Variants in SGCD observed in about 807,000 individuals in gnomAD.
SGCD encodes sarcoglycan delta.
In SGCD, 18 loss-of-function variants were observed where a neutral mutation model predicts 36.6. The observed-to-expected ratio is 0.49, with a 90% CI of 0.34 to 0.73. The LOEUF is 0.73. SGCD is among the 30% of genes least tolerant of loss of function. SGCD has a pLI of 0.01. For missense variants in SGCD, 387 were observed against 346.7 expected, an observed-to-expected ratio of 1.12 and a Z score of -0.92; for synonymous variants, 133 against 130.6, an observed-to-expected ratio of 1.02 and a Z score of -0.12.
At chr5:155,914,639 TA>T (rs1232850244) in intron 1 of SGCD, among the ~76,000 whole-genome samples, 1 of 152,182 alleles carries the variant, frequency 6.6e-6, no homozygotes, top group Non-Finnish European at 1.5e-5. Flanking sequence ...AACAATTTTT[TA>T]AAAACACCTC....
At chr5:156,117,269 C>T (rs1761927291) in intron 1 of SGCD, among the ~76,000 whole-genome samples, 1 of 151,918 alleles carries the variant, frequency 6.6e-6, no homozygotes, top group Non-Finnish European at 1.5e-5. Context: ...CCTCCTAAAA[C>T]CCTTGTAAAA....
At chr5:156,530,934 T>G (rs943706236) in intron 4 of SGCD, among the ~76,000 whole-genome samples, 1 of 152,206 alleles carries the variant, frequency 6.6e-6, no homozygotes, top group African/African-American at 2.4e-5. Context: ...AAAGAGTTTC[T>G]TTCTTCCTCA....
chr5:156,394,435 A>G (rs1771747857), intron 3 of SGCD, among the ~76,000 whole-genome samples: 1 of 152,140 alleles, frequency 6.6e-6, no homozygotes, highest in South Asian at 2.1e-4. Context: ...TGGAGAAGAG[A>G]CAATACGAGA....
intron 6 of SGCD, among the ~76,000 whole-genome samples, chr5:156,643,323 C>T (rs1331104100): frequency 1.3e-5 from 2 of 152,060 alleles, no homozygotes; most frequent in African/African-American, 2.4e-5. Flanking sequence ...TGAGCCACCT[C>T]GCCCAGCCAA....
At chr5:155,793,959 A>G in the SGCD span, among the ~76,000 whole-genome samples, 4 of 152,004 alleles carry the variant, frequency 2.6e-5, no homozygotes, top group East Asian at 5.8e-4. Context: ...AAATGAAAAA[A>G]AAAAAAAAAA....
chr5:155,976,637 GTTGTTTGGAATTTGTTCCCT>G (rs982955489), intron 1 of SGCD, among the ~76,000 whole-genome samples: 2 of 152,138 alleles, frequency 1.3e-5, no homozygotes, highest in African/African-American at 2.4e-5. Context: ...GAGAGCGTGT[GTTGTTTGGAATTTGTTCCCT>G]TTGTTCACTT....
the SGCD span, among the ~76,000 whole-genome samples, chr5:155,841,264 C>G: frequency 6.6e-6 from 1 of 152,072 alleles, no homozygotes; most frequent in Non-Finnish European, 1.5e-5. Context: ...CAGGGGAAAC[C>G]ATTTTTATGG....
At chr5:156,711,107 G>A (rs535523764) in intron 7 of SGCD, among the ~76,000 whole-genome samples, 44 of 152,176 alleles carry the variant, frequency 2.9e-4, no homozygotes, top group Middle Eastern at 6.8e-3. Flanking sequence ...AATTACCAAG[G>A]GAGAAGCATA....
intron 3 of SGCD, among the ~76,000 whole-genome samples, chr5:156,200,546 A>T (rs1177225946): frequency 6.6e-6 from 1 of 152,160 alleles, no homozygotes; most frequent in African/African-American, 2.4e-5. Flanking sequence ...AAAATGTAAA[A>T]CTATAAACCT....
Position 156,767,709 on chromosome 5 carries a change from T to TA in SGCD, c.*8325dup, listed in dbSNP as rs997296466. The TA allele has an allele frequency of 6.6e-6, 1 of 152,174 alleles. No homozygotes were observed. Among genetic ancestry groups the TA allele is most frequent in the Non-Finnish European group, 1.5e-5 (1 of 68,012 alleles). 9.4% of individuals were successfully genotyped at this position (152,174 alleles called of 1,614,324 possible). A position where few individuals can be genotyped will look rare whatever the true frequency, so the allele number is the denominator to read the frequency against. On this transcript the variant is annotated 3_prime_UTR_variant, in exon 9 of 9. Coordinates refer to ENST00000337851, the MANE Select transcript of SGCD (RefSeq NM_000337.6). ...TTTTAACTTTATTACACTTTCTGTA[T>TA]AAAAAATTTGTATTTAATATTATTT...
At chr5:156,505,949 A>G (rs1756675958) in intron 3 of SGCD, among the ~76,000 whole-genome samples, 1 of 152,222 alleles carries the variant, frequency 6.6e-6, no homozygotes, top group Admixed American at 6.5e-5. Context: ...AAAAACAGTC[A>G]TGAAAAAATG....
chr5:156,573,136 G>T (rs1158278603), intron 4 of SGCD, among the ~76,000 whole-genome samples: 2 of 151,814 alleles, frequency 1.3e-5, no homozygotes, highest in African/African-American at 2.4e-5. Context: ...AACAATACAT[G>T]GTCATTTCTT....
chr5:156,454,677 A>G (rs1754174556), intron 3 of SGCD, among the ~76,000 whole-genome samples: 1 of 152,156 alleles, frequency 6.6e-6, no homozygotes, highest in Non-Finnish European at 1.5e-5. Flanking sequence ...GCATGGTTCT[A>G]CAGAGAGAGC....
chr5:156,574,618 C>T (rs1267025936), intron 4 of SGCD, among the ~76,000 whole-genome samples: 1 of 152,012 alleles, frequency 6.6e-6, no homozygotes, highest in African/African-American at 2.4e-5. Flanking sequence ...GTAGTCTGGG[C>T]TTTGGGTTTT....
intron 7 of SGCD, among the ~76,000 whole-genome samples, chr5:156,723,521 C>T (rs187937772): frequency 1.3e-5 from 2 of 152,208 alleles, no homozygotes; most frequent in African/African-American, 2.4e-5. Context: ...CCAGCAATAC[C>T]GTAAATATAT....
chr5:156,657,544 C>T (rs1763740826), intron 7 of SGCD, among the ~76,000 whole-genome samples: 1 of 152,052 alleles, frequency 6.6e-6, no homozygotes, highest in Non-Finnish European at 1.5e-5. Flanking sequence ...AGGAGGATCA[C>T]CTGAGCTCAG....
chr5:156,590,334 G>A (rs1166113142), intron 5 of SGCD, among the ~76,000 whole-genome samples: 1 of 152,136 alleles, frequency 6.6e-6, no homozygotes, highest in Non-Finnish European at 1.5e-5. Context: ...TAGATGTCTA[G>A]AGATTCATAG....
intron 7 of SGCD, among the ~76,000 whole-genome samples, chr5:156,739,162 G>C (rs1756534001): frequency 6.6e-6 from 1 of 152,010 alleles, no homozygotes; most frequent in African/African-American, 2.4e-5. Context: ...TAATGAGACT[G>C]CCAATTCTAA....
intron 3 of SGCD, among the ~76,000 whole-genome samples, chr5:156,124,252 AG>A (rs1283692985): frequency 6.6e-6 from 1 of 152,208 alleles, no homozygotes; most frequent in African/African-American, 2.4e-5. Context: ...TATATAATAA[AG>A]AGGTGGTCAG....
Sources: allele counts gnomAD v4.1 joint callset (sites outside exome capture counted in the v4.1 genomes callset), GRCh38; gene constraint gnomAD v4.1.1; transcripts MANE v1.5; gene names NCBI Gene and HGNC (gene_info 2026-07-23, HGNC 2026-07-21).